Variants in FABP9 observed in about 807,000 individuals in gnomAD.
The protein encoded by FABP9 is fatty acid-binding protein 9.
FABP9 carries 11 observed loss-of-function variants against 14.7 expected under a neutral mutation model. The observed-to-expected ratio is 0.75, with a 90% confidence interval of 0.47 to 1.24. The LOEUF (loss-of-function observed/expected upper bound fraction) is 1.24, where lower values mean the gene tolerates loss of function less well. FABP9 is among the 50% of genes most tolerant of loss of function. The pLI, the probability that FABP9 is intolerant of heterozygous loss-of-function variation, is 0.00. For missense variants in FABP9, 171 were observed against 158.2 expected, an observed-to-expected ratio of 1.08 and a Z score of -0.44; for synonymous variants, 54 against 50.6, an observed-to-expected ratio of 1.07 and a Z score of -0.29.
intron 1 of FABP9, among the ~76,000 whole-genome samples, chr8:81,460,461 T>G (rs1429522399): frequency 6.6e-6 from 1 of 152,016 alleles, no homozygotes; most frequent in Non-Finnish European, 1.5e-5. Flanking sequence ...ACCCCCCCAA[T>G]TTTTATTCAA....
rs769333800 is a variant in FABP9 at position 81,459,273 on chromosome 8, A to G, written c.138T>C (p.Asp46=). Reference sequence around the variant, plus strand: ...CTGTTCTTATGGTCATCATTTTCCCATCAACACTAATAGTTACTGTCGGTT... The same window carrying G: ...CTGTTCTTATGGTCATCATTTTCCCGTCAACACTAATAGTTACTGTCGGTT... ...LVKPTVTISV[D]GKMMTIRTES... Residue 46 remains aspartate, a synonymous_variant, in exon 2 of 4, where the codon GAT becomes GAC. Transcript: ENST00000379071. The G allele has an allele frequency of 2.0e-5, 31 of 1,580,904 alleles. No individual in the cohort carries two copies. The highest frequency in any genetic ancestry group is 2.7e-5 in the Non-Finnish European group (31 of 1,169,100).
At chr8:81,460,367 G>C (rs534633696) in intron 1 of FABP9, among the ~76,000 whole-genome samples, 9 of 152,272 alleles carry the variant, frequency 5.9e-5, no homozygotes, top group African/African-American at 1.9e-4. Context: ...CTGCTCAGCT[G>C]TTATTCTTGC....
chr8:81,459,707 G>T (rs1807658994), intron 1 of FABP9, among the ~76,000 whole-genome samples: 3 of 152,134 alleles, frequency 2.0e-5, no homozygotes. Flanking sequence ...ATTTCCCATT[G>T]TCAAACTTGA....
At chr8:81,459,405 C>G in intron 1 of FABP9, 68 bp from the exon 2 acceptor site, 1 of 1,366,362 alleles carries the variant, frequency 7.3e-7, no homozygotes, top group East Asian at 2.8e-5. Flanking sequence ...AGTCAATTTT[C>G]AAAGAATGCT....
Position 81,461,473 on chromosome 8 carries a change from A to T in FABP9, c.51T>A (p.Phe17Leu). The stretch of plus-strand genomic sequence containing the variant: ...CACCCAGTTCTTTCATGTAATCCTC[A>T]AAGTTTTCACTGGAGACCAGCTTCC... Reference protein sequence around the residue: ...GTWKLVSSENFEDYMKELGVN... With the variant: ...GTWKLVSSENLEDYMKELGVN... Residue 17 changes from phenylalanine (F) to leucine (L), a missense_variant, in exon 1 of 4, where the codon TTT becomes TTA. Coordinates refer to ENST00000379071, the MANE Select transcript of FABP9 (RefSeq NM_001080526.2). 6.2e-7 allele frequency: 1 copy of T among 1,613,628 alleles called. No homozygotes were observed. The highest frequency in any genetic ancestry group is 8.5e-7 in the Non-Finnish European group (1 of 1,179,576).
chr8:81,458,756 A>G (rs78020073), intron 2 of FABP9, 53 bp from the exon 3 acceptor site: 13,643 of 1,122,658 alleles, frequency 0.012, 106 homozygotes, highest in Non-Finnish European at 0.016. Flanking sequence ...TCTAACCTAC[A>G]TGAGACCACA....
chr8:81,458,520 C>T (rs1310163938), intron 3 of FABP9, 82 bp downstream of exon 3: 1 of 1,483,752 alleles, frequency 6.7e-7, no homozygotes, highest in Non-Finnish European at 9.4e-7. Context: ...ACCCTTAATT[C>T]AGGATGCAAA....
In FABP9 at chr8:81,459,233, C is replaced by T; in HGVS notation, c.178G>A (p.Asp60Asn). ...CCCAGCTTGAAGGAGATCTTAGTGT[C>T]CTGGAAAGAACTTTCTGTTCTTATG... ...MTIRTESSFQ[D>N]TKISFKLGEE... The change falls in exon 2 of 4, where the codon GAC becomes AAC. Residue 60 changes from aspartate (D) to asparagine (N), a missense_variant. Asp to Asn is a conservative substitution (Grantham distance 23, BLOSUM62 1). Transcript: ENST00000379071. 1 of 1,589,452 alleles carries T rather than the reference C, an allele frequency of 6.3e-7. No homozygotes were observed.
chr8:81,461,377 T>G, intron 1 of FABP9, 74 bp downstream of exon 1: 2 of 988,082 alleles, frequency 2.0e-6, no homozygotes, highest in Non-Finnish European at 3.3e-6. Context: ...GTAGGAAAAT[T>G]CATGGTAAAG....
Position 81,458,676 on chromosome 8 carries a change from T to C in FABP9, c.274A>G (p.Met92Val). The C allele has an allele frequency of 2.5e-6, 4 of 1,613,756 alleles. No individual in the cohort carries two copies. ...CCAAGCCATTTTTGGACGTGAATCA[T>C]TGAGCCATTCTCTAATGTTATGGTG... is the stretch of plus-strand genomic sequence containing the variant. ...KSTITLENGS[M>V]IHVQKWLGKE... is the part of the protein sequence containing the mutation. Residue 92 changes from methionine (M) to valine (V), a missense_variant, in exon 3 of 4, where the codon ATG becomes GTG. Coordinates refer to ENST00000379071, the MANE Select transcript of FABP9 (RefSeq NM_001080526.2).
chr8:81,459,410 A>T (rs1807653505), intron 1 of FABP9, 73 bp from the exon 2 acceptor site: 1 of 1,352,274 alleles, frequency 7.4e-7, no homozygotes, highest in Non-Finnish European at 9.8e-7. Flanking sequence ...ATTTTCAAAG[A>T]ATGCTTACTT....
intron 1 of FABP9, 149 bp downstream of exon 1, chr8:81,461,302 A>C (rs111821515): frequency 7.6e-6 from 5 of 656,862 alleles, no homozygotes; most frequent in African/African-American, 5.4e-5. Context: ...TAATTTAAAA[A>C]AGCAAAAGTA....
At chr8:81,460,967 T>A (rs1275832503) in intron 1 of FABP9, among the ~76,000 whole-genome samples, 1 of 152,208 alleles carries the variant, frequency 6.6e-6, no homozygotes, top group Non-Finnish European at 1.5e-5. Context: ...TTCAAAACCA[T>A]GTTTATAAAA....
chr8:81,459,291 T>G lies in FABP9; in HGVS notation c.120A>C (p.Thr40=), dbSNP rs577362235. 2 of 1,567,458 alleles carry G rather than the reference T, an allele frequency of 1.3e-6. No homozygotes were observed. Among genetic ancestry groups the G allele is most frequent in the East Asian group, 4.8e-5 (2 of 41,662 alleles). The change falls in exon 2 of 4, where the codon ACA becomes ACC. Residue 40 remains threonine (T), a synonymous_variant. Coordinates refer to ENST00000379071, the MANE Select transcript of FABP9 (RefSeq NM_001080526.2). The part of the protein sequence containing the change: ...ARNMAGLVKP[T]VTISVDGKMM... ...TTTTCCCATCAACACTAATAGTTAC[T>G]GTCGGTTTCACTAACCCTGCCATGT...
rs1338120369 is a variant in FABP9 at position 81,459,311 on chromosome 8, C to T, written c.100G>A (p.Ala34Thr). 1.3e-6 allele frequency: 2 copies of T among 1,548,012 alleles called. No individual in the cohort carries two copies. The highest frequency in any genetic ancestry group is 2.9e-5 in the African/African-American group (2 of 69,938). Residue 34 changes from alanine (A) to threonine (T), a missense_variant, in exon 2 of 4, where the codon GCA becomes ACA. By Grantham distance (58) the Ala-to-Thr change is moderately conservative. Transcript: ENST00000379071. ...LGVNFAARNM[A>T]GLVKPTVTIS... ...GTTACTGTCGGTTTCACTAACCCTG[C>T]CATGTTCCGGGCTGCGAAATTCACT...
chr8:81,459,465 G>A (rs934570584), intron 1 of FABP9, 128 bp from the exon 2 acceptor site: 1 of 814,564 alleles, frequency 1.2e-6, no homozygotes, highest in South Asian at 2.4e-5. Context: ...CTTATTTTAT[G>A]TTTTCTGTGA....
chr8:81,460,062 C>A (rs1158523552), intron 1 of FABP9, among the ~76,000 whole-genome samples: 3 of 151,996 alleles, frequency 2.0e-5, no homozygotes, highest in Non-Finnish European at 2.9e-5. Context: ...TGCAGTGGCA[C>A]AATCTCAGCT....
In FABP9 at chr8:81,458,492, C is replaced by T. The variant is rs115969402; in HGVS notation, c.349-59G>A. The T allele has an allele frequency of 1.8e-3, 2,710 of 1,508,618 alleles. 36 individuals carry two copies. The African/African-American group carries it at 0.033, about 18-fold the overall frequency. 93.5% of individuals were successfully genotyped at this position (1,508,618 alleles called of 1,614,324 possible). On this transcript the variant is annotated intron_variant, in intron 3 of 3. Transcript: ENST00000379071. ...GATAACAGGCTAAACTTGCCCTGCC[C>T]CTTTCTCCTCAGACCAAACCCTTAA...
Position 81,461,472 on chromosome 8 carries a change from C to T in FABP9, c.52G>A (p.Glu18Lys). 1 of 1,613,410 alleles carries T rather than the reference C, an allele frequency of 6.2e-7. No individual in the cohort carries two copies. Among genetic ancestry groups the T allele is most frequent in the East Asian group, 2.2e-5 (1 of 44,878 alleles). Residue 18 changes from glutamate to lysine, a missense_variant, in exon 1 of 4, where the codon GAG becomes AAG. Glu to Lys is a moderately conservative substitution (Grantham distance 56). Coordinates refer to ENST00000379071, the MANE Select transcript of FABP9 (RefSeq NM_001080526.2). Reference protein sequence around the residue: ...TWKLVSSENFEDYMKELGVNF... With the variant: ...TWKLVSSENFKDYMKELGVNF... ...TCACCCAGTTCTTTCATGTAATCCTCAAAGTTTTCACTGGAGACCAGCTTC... is the reference window on the plus strand; with the variant it reads ...TCACCCAGTTCTTTCATGTAATCCTTAAAGTTTTCACTGGAGACCAGCTTC...
Sources: allele counts gnomAD v4.1 joint callset (sites outside exome capture counted in the v4.1 genomes callset), GRCh38; gene constraint gnomAD v4.1.1; transcripts MANE v1.5; gene names NCBI Gene and HGNC (gene_info 2026-07-23, HGNC 2026-07-21).